The following SEMA3E variants were observed in gnomAD, a reference collection of about 807,000 sequenced individuals.
SEMA3E encodes the protein semaphorin-3E.
In SEMA3E, 49 loss-of-function variants were observed where a neutral mutation model predicts 93.6. That is an observed-to-expected ratio of 0.52 (90% CI 0.42 to 0.66). The LOEUF is 0.66. SEMA3E is among the 30% of genes least tolerant of loss of function. The pLI is 0.00. For missense variants in SEMA3E, 906 were observed against 964.8 expected, an observed-to-expected ratio of 0.94 and a Z score of 0.81; for synonymous variants, 363 against 330.7, an observed-to-expected ratio of 1.10 and a Z score of -1.06.
At position 83,365,360 on chromosome 7, in the gene SEMA3E, T is replaced by G. The variant is rs897210307; in HGVS notation, c.*2226A>C. Reference sequence around the variant, plus strand: ...GTGTATAATTATATGTAAAATTTAGTGGTCTCACCAAATTGTGGACTTGGG... The same window carrying G: ...GTGTATAATTATATGTAAAATTTAGGGGTCTCACCAAATTGTGGACTTGGG... On this transcript the variant is annotated 3_prime_UTR_variant, in exon 17 of 17. Coordinates refer to ENST00000643230, the MANE Select transcript of SEMA3E (RefSeq NM_012431.3). 1 of 152,206 alleles carries G rather than the reference T, an allele frequency of 6.6e-6. No homozygotes were observed. Among genetic ancestry groups the G allele is most frequent in the Non-Finnish European group, 1.5e-5 (1 of 68,040 alleles). 9.4% of individuals were successfully genotyped at this position (152,206 alleles called of 1,614,324 possible).
At chr7:83,438,636 T>TG (rs1789050281) in intron 4 of SEMA3E, among the ~76,000 whole-genome samples, 1 of 90,088 alleles carries the variant, frequency 1.1e-5, no homozygotes, top group African/African-American at 4.8e-5. Context: ...ATGCACTGCA[T>TG]GATAAGGCAT....
At chr7:83,472,025 G>T (rs573201993) in intron 2 of SEMA3E, among the ~76,000 whole-genome samples, 3 of 152,006 alleles carry the variant, frequency 2.0e-5, no homozygotes, top group Non-Finnish European at 4.4e-5. Flanking sequence ...CTTCATTGTC[G>T]TCTTCCTATT....
intron 1 of SEMA3E, among the ~76,000 whole-genome samples, chr7:83,538,316 A>G (rs1562823860): frequency 6.6e-6 from 1 of 152,126 alleles, no homozygotes; most frequent in East Asian, 1.9e-4. Context: ...CCAGCAGTGT[A>G]TGAGTTCTGA....
chr7:83,406,882 G>T (rs2709939), intron 7 of SEMA3E, among the ~76,000 whole-genome samples: 1 of 151,926 alleles, frequency 6.6e-6, no homozygotes, highest in Admixed American at 6.6e-5. Flanking sequence ...TCTTGGTATA[G>T]CTTCAAAAAT....
chr7:83,444,409 G>T (rs571945219), intron 4 of SEMA3E, among the ~76,000 whole-genome samples: 5 of 152,196 alleles, frequency 3.3e-5, no homozygotes, highest in African/African-American at 1.2e-4. Context: ...AGTTTTATTT[G>T]TTAAAAGAAT....
intron 5 of SEMA3E, among the ~76,000 whole-genome samples, chr7:83,417,004 C>CAT (rs879600353): frequency 1.2e-4 from 8 of 66,210 alleles, no homozygotes; most frequent in Non-Finnish European, 3.6e-4. Context: ...CACACACACA[C>CAT]ACACACACAC....
intron 1 of SEMA3E, among the ~76,000 whole-genome samples, chr7:83,564,882 C>A (rs2115847000): frequency 6.6e-6 from 1 of 152,130 alleles, no homozygotes; most frequent in African/African-American, 2.4e-5. Flanking sequence ...ATGAAAAACC[C>A]TCCAAAAAAT....
intron 1 of SEMA3E, among the ~76,000 whole-genome samples, chr7:83,604,551 C>A (rs1015725961): frequency 6.7e-6 from 1 of 149,398 alleles, no homozygotes; most frequent in South Asian, 2.1e-4. Context: ...TATGTACATA[C>A]ACATACATAC....
chr7:83,428,674 A>C (rs1477336963), intron 4 of SEMA3E, among the ~76,000 whole-genome samples: 2 of 152,184 alleles, frequency 1.3e-5, no homozygotes, highest in African/African-American at 4.8e-5. Flanking sequence ...AAAAATACAA[A>C]ACAGGAGTAA....
chr7:83,466,703 G>A lies in SEMA3E; in HGVS notation c.337-102C>T, dbSNP rs1341625012. ...AGCCCTAGAAAGCTCATGTTTTACC[G>A]TAAATCTCTGTTGGGTGAAGGAGGC... On this transcript the variant is annotated intron_variant, in intron 3 of 16. Transcript: ENST00000643230. 44 of 1,427,396 alleles carry A rather than the reference G, an allele frequency of 3.1e-5. 1 individual carries two copies. Among genetic ancestry groups the A allele is most frequent in the South Asian group, 1.8e-4 (15 of 84,576 alleles). The allele number at this position is 1,427,396 out of a possible 1,614,324, so 88.4% of individuals were successfully genotyped here. A position where few individuals can be genotyped will look rare whatever the true frequency, so the allele number is the denominator to read the frequency against.
chr7:83,428,163 A>G (rs1273321432), intron 4 of SEMA3E, among the ~76,000 whole-genome samples: 1 of 152,224 alleles, frequency 6.6e-6, no homozygotes, highest in Non-Finnish European at 1.5e-5. Flanking sequence ...TGTCTGTGGT[A>G]AGCTCTTTTC....
chr7:83,464,446 A>G (rs1789705925), intron 4 of SEMA3E, among the ~76,000 whole-genome samples: 1 of 112,776 alleles, frequency 8.9e-6, no homozygotes, highest in Non-Finnish European at 2.0e-5. Flanking sequence ...CTACTCATAC[A>G]TGCCCTGCTC....
At chr7:83,609,566 T>C (rs1793204191) in intron 1 of SEMA3E, among the ~76,000 whole-genome samples, 1 of 151,950 alleles carries the variant, frequency 6.6e-6, no homozygotes, top group South Asian at 2.1e-4. Flanking sequence ...CTAACAAAAT[T>C]ATGCTACCCT....
intron 1 of SEMA3E, among the ~76,000 whole-genome samples, chr7:83,592,617 T>C (rs1008117591): frequency 6.6e-6 from 1 of 152,052 alleles, no homozygotes; most frequent in Non-Finnish European, 1.5e-5. Context: ...AAGAAAGCAA[T>C]AGGTTCAATT....
chr7:83,368,067 G>C (rs1329088720), intron 16 of SEMA3E, 29 bp from the exon 17 acceptor site: 1 of 1,585,074 alleles, frequency 6.3e-7, no homozygotes, highest in Non-Finnish European at 8.7e-7. Flanking sequence ...AAATGGCACT[G>C]AAGTACACAG....
rs1457944940 is a variant in SEMA3E at position 83,460,763 on chromosome 7, GCCCCTTATTT to G, written c.456+5709_456+5718del. On this transcript the variant is annotated intron_variant, in intron 4 of 16. Coordinates refer to ENST00000643230, the MANE Select transcript of SEMA3E (RefSeq NM_012431.3). ...CCCGGCCCCTTATCTCCGTGCCCCGGCCCCTTATTTCTGCGCCCCATCCCTTATTTCCGCA... is the reference window on the plus strand; with the variant it reads ...CCCGGCCCCTTATCTCCGTGCCCCGGCTGCGCCCCATCCCTTATTTCCGCA... 6.0e-5 allele frequency among the ~76,000 whole-genome samples: 9 copies of G among 150,070 alleles called. No homozygotes were observed. In the East Asian group the frequency reaches 1.8e-3, roughly 30 times the overall value.
chr7:83,583,972 G>A (rs1562843008), intron 1 of SEMA3E, among the ~76,000 whole-genome samples: 1 of 152,066 alleles, frequency 6.6e-6, no homozygotes, highest in Non-Finnish European at 1.5e-5. Context: ...ACAGCTATGT[G>A]TACAAAGAGG....
At chr7:83,610,978 T>C (rs1015883837) in intron 1 of SEMA3E, among the ~76,000 whole-genome samples, 1 of 152,154 alleles carries the variant, frequency 6.6e-6, no homozygotes, top group South Asian at 2.1e-4. Context: ...ACTTGCTTTA[T>C]ATTTAAGAGA....
intron 16 of SEMA3E, among the ~76,000 whole-genome samples, chr7:83,371,038 C>T (rs1185002201): frequency 7.9e-6 from 1 of 127,268 alleles, no homozygotes; most frequent in African/African-American, 2.6e-5. Context: ...GGAAGAGGTG[C>T]ATTTGTGGGG....
Sources: gnomAD v4.1 joint callset for allele counts (sites outside exome capture counted in the v4.1 genomes callset) on GRCh38, gnomAD v4.1.1 for gene constraint, MANE v1.5 for transcripts, NCBI Gene and HGNC (gene_info 2026-07-23, HGNC 2026-07-21) for gene names.